Variants in PCDH9 observed in about 807,000 individuals in gnomAD.
PCDH9 encodes protocadherin 9.
In PCDH9, 24 loss-of-function variants were observed where a neutral mutation model predicts 70.6. That is an observed-to-expected ratio of 0.34 (90% CI 0.25 to 0.48). The LOEUF (loss-of-function observed/expected upper bound fraction) is 0.48. PCDH9 is among the 20% of genes least tolerant of loss of function. The pLI is 0.99. For missense variants in PCDH9, 1,281 were observed against 1,503.6 expected (o/e 0.85, Z 2.45); for synonymous variants, 562 against 558.5 (o/e 1.01, Z -0.09).
At chr13:66,506,560 A>G (rs1004953597) in intron 4 of PCDH9, among the ~76,000 whole-genome samples, 1 of 152,214 alleles carries the variant, frequency 6.6e-6, no homozygotes. Flanking sequence ...AAACTCAGTA[A>G]GTAAAGACAC....
intron 2 of PCDH9, among the ~76,000 whole-genome samples, chr13:67,169,157 C>T (rs2088207360): frequency 6.6e-6 from 1 of 152,150 alleles, no homozygotes; most frequent in Admixed American, 6.5e-5. Context: ...GAATGGAAAC[C>T]ACAGTTATAT....
chr13:67,009,685 C>T (rs1019485113), intron 2 of PCDH9, among the ~76,000 whole-genome samples: 3 of 152,008 alleles, frequency 2.0e-5, no homozygotes, highest in Non-Finnish European at 4.4e-5. Flanking sequence ...ACTCTCAAGA[C>T]CATTTATTTA....
intron 3 of PCDH9, among the ~76,000 whole-genome samples, chr13:66,668,020 A>G (rs2078120127): frequency 6.6e-6 from 1 of 152,220 alleles, no homozygotes; most frequent in South Asian, 2.1e-4. Flanking sequence ...TGGAATAAAC[A>G]TAATGAATAA....
At chr13:66,565,163 T>C (rs1566421894) in intron 4 of PCDH9, among the ~76,000 whole-genome samples, 1 of 152,216 alleles carries the variant, frequency 6.6e-6, no homozygotes, top group Non-Finnish European at 1.5e-5. Context: ...CTTAGGTACT[T>C]GTATAAGGAA....
chr13:67,184,850 C>T (rs1392970641), intron 2 of PCDH9, among the ~76,000 whole-genome samples: 1 of 152,174 alleles, frequency 6.6e-6, no homozygotes, highest in Non-Finnish European at 1.5e-5. Flanking sequence ...ATTTTCTATT[C>T]ACGAGGAGTG....
intron 2 of PCDH9, among the ~76,000 whole-genome samples, chr13:67,135,994 AT>A (rs886822586): frequency 3.5e-4 from 53 of 152,248 alleles, no homozygotes; most frequent in African/African-American, 1.2e-3. Flanking sequence ...CTCCCCATCC[AT>A]ACTGAATATT....
At chr13:66,736,638 C>G (rs2079153058) in intron 3 of PCDH9, among the ~76,000 whole-genome samples, 1 of 152,206 alleles carries the variant, frequency 6.6e-6, no homozygotes, top group African/African-American at 2.4e-5. Flanking sequence ...ACTTAATTGA[C>G]AGCACAATTG....
chr13:67,142,653 C>CG (rs1264266169), intron 2 of PCDH9, among the ~76,000 whole-genome samples: 4 of 152,004 alleles, frequency 2.6e-5, no homozygotes, highest in Admixed American at 6.6e-5. Context: ...TAAATGAATT[C>CG]AAATAAATGC....
intron 3 of PCDH9, among the ~76,000 whole-genome samples, chr13:66,668,469 T>A (rs1239877078): frequency 2.6e-5 from 4 of 152,130 alleles, no homozygotes. Flanking sequence ...GGAACCTGAA[T>A]CCTGAAATCC....
At chr13:67,033,413 C>T (rs1473803229) in intron 2 of PCDH9, among the ~76,000 whole-genome samples, 2 of 152,126 alleles carry the variant, frequency 1.3e-5, no homozygotes, top group East Asian at 1.9e-4. Context: ...AGATAAGGTA[C>T]AAAAAGACAA....
chr13:67,097,495 A>T (rs367931267), intron 2 of PCDH9, among the ~76,000 whole-genome samples: 1 of 152,096 alleles, frequency 6.6e-6, no homozygotes, highest in African/African-American at 2.4e-5. Flanking sequence ...GAAAAAAAAT[A>T]CTTTAATTGT....
chr13:67,131,628 G>A (rs144123514), intron 2 of PCDH9, among the ~76,000 whole-genome samples: 1 of 152,018 alleles, frequency 6.6e-6, no homozygotes, highest in Non-Finnish European at 1.5e-5. Context: ...ATACAATTAT[G>A]GGGGAGTGTA....
At chr13:66,564,268 G>A (rs143754054) in intron 4 of PCDH9, among the ~76,000 whole-genome samples, 2 of 152,042 alleles carry the variant, frequency 1.3e-5, no homozygotes, top group East Asian at 1.9e-4. Context: ...GTGCTCAAGG[G>A]ATCTTCCCAC....
intron 2 of PCDH9, among the ~76,000 whole-genome samples, chr13:67,188,140 G>A (rs971370025): frequency 1.3e-5 from 2 of 152,090 alleles, no homozygotes; most frequent in Non-Finnish European, 2.9e-5. Flanking sequence ...GAGCATTCAG[G>A]AGAAATTGGA....
chr13:67,174,603 T>C (rs1468142954), intron 2 of PCDH9, among the ~76,000 whole-genome samples: 1 of 152,182 alleles, frequency 6.6e-6, no homozygotes, highest in Non-Finnish European at 1.5e-5. Flanking sequence ...CCAGGTTTCT[T>C]ATTTTCTTCT....
chr13:66,675,134 A>G (rs1841513936), intron 3 of PCDH9, among the ~76,000 whole-genome samples: 1 of 152,168 alleles, frequency 6.6e-6, no homozygotes, highest in Non-Finnish European at 1.5e-5. Context: ...TGTAAAATAC[A>G]GTGAAGATTT....
intron 2 of PCDH9, among the ~76,000 whole-genome samples, chr13:67,095,037 T>C (rs1422799386): frequency 1.3e-5 from 2 of 152,152 alleles, no homozygotes; most frequent in Non-Finnish European, 2.9e-5. Flanking sequence ...ATGACATATA[T>C]ATTTTGATTT....
At chr13:66,984,353 C>T (rs917428462) in intron 2 of PCDH9, among the ~76,000 whole-genome samples, 3 of 152,080 alleles carry the variant, frequency 2.0e-5, no homozygotes, top group Non-Finnish European at 4.4e-5. Flanking sequence ...TTTAAGATAG[C>T]TATAGTCTAC....
intron 4 of PCDH9, among the ~76,000 whole-genome samples, chr13:66,468,236 T>C (rs1302006838): frequency 3.3e-5 from 5 of 152,114 alleles, no homozygotes; most frequent in Admixed American, 2.0e-4. Flanking sequence ...AATGTGTTGC[T>C]TGTTTTTCTC....
Sources: allele counts gnomAD v4.1 joint callset (sites outside exome capture counted in the v4.1 genomes callset), GRCh38; gene constraint gnomAD v4.1.1; transcripts MANE v1.5; gene names NCBI Gene and HGNC (gene_info 2026-07-23, HGNC 2026-07-21).